TMCC1: variants seen among roughly 807,000 people sequenced by gnomAD.
The protein encoded by TMCC1 is transmembrane and coiled-coil domains protein 1.
In TMCC1, 15 loss-of-function variants were observed where a neutral mutation model predicts 52.4. The observed-to-expected ratio is 0.29, with a 90% CI of 0.19 to 0.44. The LOEUF (loss-of-function observed/expected upper bound fraction) is 0.44, where lower values mean the gene tolerates loss of function less well. TMCC1 is among the 20% of genes least tolerant of loss of function. The pLI, the probability that TMCC1 is intolerant of heterozygous loss-of-function variation, is 1.00. For synonymous variants in TMCC1, 279 were observed against 301.9 expected, an observed-to-expected ratio of 0.92 and a Z score of 0.79; for missense variants, 503 against 806.0, an observed-to-expected ratio of 0.62 and a Z score of 4.55.
intron 2 of TMCC1, among the ~76,000 whole-genome samples, chr3:129,843,416 T>C (rs1296646906): frequency 2.6e-5 from 4 of 151,212 alleles, no homozygotes; most frequent in African/African-American, 4.9e-5. Context: ...AGAAACACAA[T>C]GTAGAAAAAC....
intron 5 of TMCC1, chr3:129,656,638 T>A (rs886740908): frequency 6.6e-6 from 1 of 152,224 alleles, no homozygotes; most frequent in Non-Finnish European, 1.5e-5. Flanking sequence ...AGGATTTTTT[T>A]AAAAGGCATT....
At chr3:129,716,523 A>G (rs1218071968) in intron 4 of TMCC1, among the ~76,000 whole-genome samples, 1 of 84,976 alleles carries the variant, frequency 1.2e-5, no homozygotes, top group Non-Finnish European at 2.5e-5. Context: ...TTTTTTTTGT[A>G]CTTTTAGTAG....
At chr3:129,865,429 G>T (rs2060579604) in intron 2 of TMCC1, among the ~76,000 whole-genome samples, 1 of 152,006 alleles carries the variant, frequency 6.6e-6, no homozygotes, top group African/African-American at 2.4e-5. Context: ...GGGATTACAG[G>T]CGTGAGCCAC....
chr3:129,856,530 C>T (rs778884664), intron 2 of TMCC1, among the ~76,000 whole-genome samples: 2 of 152,160 alleles, frequency 1.3e-5, no homozygotes, highest in African/African-American at 4.8e-5. Flanking sequence ...AACTATGAAT[C>T]AACGAATAAT....
chr3:129,693,781 T>C (rs528801973), intron 4 of TMCC1, among the ~76,000 whole-genome samples: 1 of 152,326 alleles, frequency 6.6e-6, no homozygotes, highest in Non-Finnish European at 1.5e-5. Context: ...TTAAGTAGTA[T>C]CTGATTTTCA....
At chr3:129,735,511 T>G (rs1226971287) in intron 4 of TMCC1, among the ~76,000 whole-genome samples, 1 of 151,890 alleles carries the variant, frequency 6.6e-6, no homozygotes, top group East Asian at 1.9e-4. Flanking sequence ...TAGCCAGGTG[T>G]TGTGGCACGC....
At chr3:129,702,927 A>G (rs1429125957) in intron 4 of TMCC1, among the ~76,000 whole-genome samples, 2 of 152,156 alleles carry the variant, frequency 1.3e-5, no homozygotes, top group Non-Finnish European at 1.5e-5. Context: ...GAGGCAGGAG[A>G]ATCGCTTGAA....
chr3:129,674,667 G>A (rs765208305), intron 4 of TMCC1, among the ~76,000 whole-genome samples: 1 of 152,174 alleles, frequency 6.6e-6, no homozygotes, highest in Non-Finnish European at 1.5e-5. Context: ...GAAAACAGTC[G>A]TGATATACTC....
intron 4 of TMCC1, among the ~76,000 whole-genome samples, chr3:129,724,239 A>C (rs1235565022): frequency 6.6e-6 from 1 of 152,216 alleles, no homozygotes; most frequent in Non-Finnish European, 1.5e-5. Flanking sequence ...GTGTCACATG[A>C]GATAATCTTC....
intron 4 of TMCC1, among the ~76,000 whole-genome samples, chr3:129,777,470 G>C (rs2055133719): frequency 6.6e-6 from 1 of 152,208 alleles, no homozygotes; most frequent in African/African-American, 2.4e-5. Context: ...CAAGATTCCA[G>C]TTTGATTTCA....
rs528948709 is a variant in TMCC1 at position 129,890,290 on chromosome 3, T to C, written c.-435+3204A>G. ...CCAACCTCTGGCAAAATGTGACCAA[T>C]GCTCAAGGACAAAGAGAGTGACAGC... On this transcript the variant is annotated intron_variant, in intron 1 of 6. Coordinates refer to ENST00000393238, the MANE Select transcript of TMCC1 (RefSeq NM_001017395.5). Among the ~76,000 whole-genome samples the C allele has an allele frequency of 2.6e-5, 4 of 152,292 alleles. No homozygotes were observed. In the East Asian group the frequency reaches 5.8e-4, roughly 22 times the overall value.
chr3:129,776,815 T>C (rs982239385), intron 4 of TMCC1, among the ~76,000 whole-genome samples: 1 of 152,072 alleles, frequency 6.6e-6, no homozygotes, highest in Non-Finnish European at 1.5e-5. Context: ...TATATTTTTT[T>C]GTAGAGATGG....
At chr3:129,693,323 G>A (rs904318473) in intron 4 of TMCC1, among the ~76,000 whole-genome samples, 43 of 152,044 alleles carry the variant, frequency 2.8e-4, no homozygotes, top group African/African-American at 8.9e-4. Context: ...AAACCAAACC[G>A]GAAAGAACAA....
intron 1 of TMCC1, among the ~76,000 whole-genome samples, chr3:129,880,763 T>C (rs1193629933): frequency 6.6e-6 from 1 of 152,104 alleles, no homozygotes; most frequent in African/African-American, 2.4e-5. Context: ...CAACTAGGGA[T>C]GCTCAACTGA....
chr3:129,695,894 G>A (rs2047383908), intron 4 of TMCC1, among the ~76,000 whole-genome samples: 1 of 152,076 alleles, frequency 6.6e-6, no homozygotes, highest in East Asian at 1.9e-4. Flanking sequence ...CTCATCAGCT[G>A]GGTTTTATTT....
chr3:129,828,160 A>G lies in TMCC1; in HGVS notation c.219T>C (p.Ile73=), dbSNP rs773955152. The G allele has an allele frequency of 1.9e-6, 3 of 1,614,138 alleles. No homozygotes were observed. The highest frequency in any genetic ancestry group is 2.5e-6 in the Non-Finnish European group (3 of 1,180,034). The part of the protein sequence containing the change: ...SSVSPHDVQQ[I]QADPEPEMDL... ...CCATTTCAGGTTCTGGATCTGCCTG[A>G]ATTTGCTGCACATCATGTGGAGACA... Residue 73 remains isoleucine, a synonymous_variant, in exon 4 of 7, where the codon ATT becomes ATC. Coordinates refer to ENST00000393238, the MANE Select transcript of TMCC1 (RefSeq NM_001017395.5). The surrounding 1 kb of genome is among the most constrained non-coding windows in gnomAD (Gnocchi z 4.1).
At chr3:129,669,731 G>A (rs2087764380) in intron 5 of TMCC1, among the ~76,000 whole-genome samples, 2 of 152,234 alleles carry the variant, frequency 1.3e-5, no homozygotes. Flanking sequence ...AATATGTAGT[G>A]TAATATTAAA....
At chr3:129,802,710 C>T (rs1464222382) in intron 4 of TMCC1, among the ~76,000 whole-genome samples, 8 of 152,102 alleles carry the variant, frequency 5.3e-5, no homozygotes, top group East Asian at 1.9e-4. Context: ...TGTGGCATGT[C>T]GCACACCTGT....
intron 2 of TMCC1, among the ~76,000 whole-genome samples, chr3:129,862,583 C>T (rs1186924050): frequency 6.6e-6 from 1 of 152,118 alleles, no homozygotes; most frequent in Non-Finnish European, 1.5e-5. Flanking sequence ...GATTCACGCA[C>T]AGTGTTTCAG....
Sources: allele counts gnomAD v4.1 joint callset (sites outside exome capture counted in the v4.1 genomes callset), GRCh38; gene constraint gnomAD v4.1.1; non-coding constraint Gnocchi (gnomAD v3.1); transcripts MANE v1.5; gene names NCBI Gene and HGNC (gene_info 2026-07-23, HGNC 2026-07-21).